The following ZNRF1 variants were observed in gnomAD, a reference collection of about 807,000 sequenced individuals.
ZNRF1 encodes the protein E3 ubiquitin-protein ligase ZNRF1.
Under a neutral mutation model 18.4 loss-of-function variants are expected in ZNRF1, and 3 were observed. The ratio of observed to expected loss-of-function variants is 0.16; its 90% CI spans 0.07 to 0.42. The LOEUF is 0.42. ZNRF1 is among the 10% of genes least tolerant of loss of function. ZNRF1 has a pLI of 0.99. For missense variants in ZNRF1, 310 were observed against 329.8 expected (o/e 0.94, Z 0.47); for synonymous variants, 157 against 144.2 (o/e 1.09, Z -0.64).
chr16:75,090,649 C>G (rs1301850605), intron 1 of ZNRF1, among the ~76,000 whole-genome samples: 1 of 152,144 alleles, frequency 6.6e-6, no homozygotes, highest in African/African-American at 2.4e-5. Flanking sequence ...TGCTCAGATG[C>G]TAAGAATCTC....
intron 3 of ZNRF1, chr16:75,105,296 T>C: frequency 5.3e-6 from 1 of 188,118 alleles, no homozygotes. Flanking sequence ...AGGCGGAGGG[T>C]GTACCCACTG....
intron 1 of ZNRF1, among the ~76,000 whole-genome samples, chr16:75,013,937 C>G (rs930427878): frequency 6.6e-6 from 1 of 151,860 alleles, no homozygotes. Context: ...TCAAGTAATT[C>G]TCCTGCCTCA....
intron 1 of ZNRF1, among the ~76,000 whole-genome samples, chr16:75,006,662 C>T (rs2034921791): frequency 6.6e-6 from 1 of 152,196 alleles, no homozygotes; most frequent in South Asian, 2.1e-4. Flanking sequence ...TCTCGAACTC[C>T]TGACCTCGGG....
chr16:75,036,091 C>T (rs1313238828), intron 1 of ZNRF1, among the ~76,000 whole-genome samples: 1 of 152,032 alleles, frequency 6.6e-6, no homozygotes, highest in Non-Finnish European at 1.5e-5. Context: ...TGTGAGGGGA[C>T]CTCTCCTCCT....
rs146062825 is a variant in ZNRF1, at chr16:75,075,957, C to T, written c.425-17615C>T. Among the ~76,000 whole-genome samples the T allele has an allele frequency of 8.5e-5, 13 of 152,178 alleles. No homozygotes were observed. In the East Asian group the frequency reaches 9.7e-4, roughly 11 times the overall value. The stretch of plus-strand genomic sequence containing the variant: ...GCAGGTGTAGGTGGGATTGAGAGAG[C>T]GTTGTGTGAGGTAGAGAATAGCTTA... On this transcript the variant is annotated intron_variant, in intron 1 of 4. Transcript: ENST00000335325.
chr16:75,101,988 C>T (rs1222961346), intron 2 of ZNRF1, among the ~76,000 whole-genome samples: 1 of 152,310 alleles, frequency 6.6e-6, no homozygotes, highest in African/African-American at 2.4e-5. Context: ...GGTGGGTCCT[C>T]GGGCTAGCCA....
At chr16:75,056,381 AGTTCTAGTG>A (rs1176835583) in intron 1 of ZNRF1, among the ~76,000 whole-genome samples, 1 of 152,220 alleles carries the variant, frequency 6.6e-6, no homozygotes, top group African/African-American at 2.4e-5. Context: ...ACTGCTCATA[AGTTCTAGTG>A]GTTCTGAAAA....
chr16:75,058,039 C>A (rs2145383077), intron 1 of ZNRF1, among the ~76,000 whole-genome samples: 1 of 152,204 alleles, frequency 6.6e-6, no homozygotes, highest in Admixed American at 6.5e-5. Flanking sequence ...TGAGAGAGAA[C>A]CGCATTCCAT....
chr16:75,047,680 A>G (rs1001414259), intron 1 of ZNRF1, among the ~76,000 whole-genome samples: 1 of 152,094 alleles, frequency 6.6e-6, no homozygotes, highest in African/African-American at 2.4e-5. Context: ...TGCCTTTCCT[A>G]ATATAGATAA....
rs1451907997 is a variant in ZNRF1 at position 75,110,443 on chromosome 16, C to T, written c.*2743C>T. On this transcript the variant is annotated 3_prime_UTR_variant, in exon 5 of 5. Transcript: ENST00000335325. ...ACGTGAGACCCTCACAAAGACCAACCATTCCTCTAATAGCCATTTAACGGT... is the reference window on the plus strand; with the variant it reads ...ACGTGAGACCCTCACAAAGACCAACTATTCCTCTAATAGCCATTTAACGGT... The T allele has an allele frequency of 6.6e-6, 1 of 152,244 alleles. No individual in the cohort carries two copies. Among genetic ancestry groups the T allele is most frequent in the Non-Finnish European group, 1.5e-5 (1 of 68,060 alleles). The allele number at this position is 152,244 out of a possible 1,614,324, so 9.4% of individuals were successfully genotyped here. A position where few individuals can be genotyped will look rare whatever the true frequency, so the allele number is the denominator to read the frequency against.
intron 1 of ZNRF1, among the ~76,000 whole-genome samples, chr16:75,017,618 T>C (rs2035089398): frequency 6.6e-6 from 1 of 152,210 alleles, no homozygotes; most frequent in African/African-American, 2.4e-5. Flanking sequence ...ATCTTAAAAG[T>C]GACATGGTGT....
At chr16:75,050,902 A>AAC (rs1567478934) in intron 1 of ZNRF1, among the ~76,000 whole-genome samples, 1 of 135,514 alleles carries the variant, frequency 7.4e-6, no homozygotes, top group East Asian at 2.1e-4. Flanking sequence ...AAAAAAACAA[A>AAC]AAACTTGTAG....
At chr16:75,022,332 G>T (rs1426946247) in intron 1 of ZNRF1, among the ~76,000 whole-genome samples, 2 of 151,920 alleles carry the variant, frequency 1.3e-5, no homozygotes, top group Non-Finnish European at 2.9e-5. Context: ...GGGAGGCTGT[G>T]GCGGGTGGAT....
At chr16:75,031,712 G>A (rs555379844) in intron 1 of ZNRF1, among the ~76,000 whole-genome samples, 1 of 152,128 alleles carries the variant, frequency 6.6e-6, no homozygotes, top group East Asian at 1.9e-4. Flanking sequence ...ATGTTGCCCA[G>A]GCTGTTCTCG....
chr16:75,065,554 T>G (rs993800014), intron 1 of ZNRF1, among the ~76,000 whole-genome samples: 1 of 152,208 alleles, frequency 6.6e-6, no homozygotes, highest in Admixed American at 6.5e-5. Flanking sequence ...CATCACAAAA[T>G]GAAACAATAT....
intron 1 of ZNRF1, among the ~76,000 whole-genome samples, chr16:75,076,371 G>C (rs1198351725): frequency 1.3e-5 from 2 of 152,070 alleles, no homozygotes; most frequent in African/African-American, 2.4e-5. Flanking sequence ...TTCAGGTCAA[G>C]AGCCTGTGTG....
rs554810398 is a variant in ZNRF1 at position 75,110,231 on chromosome 16, G to A, written c.*2531G>A. 2 of 152,570 alleles carry A rather than the reference G, an allele frequency of 1.3e-5. No homozygotes were observed. Among genetic ancestry groups the A allele is most frequent in the East Asian group, 3.9e-4 (2 of 5,192 alleles). The allele number at this position is 152,570 out of a possible 1,614,324, so 9.5% of individuals were successfully genotyped here. On this transcript the variant is annotated 3_prime_UTR_variant, in exon 5 of 5. Transcript: ENST00000335325. ...CCAGGTTGCCTGCTCTTGTTGTGGG[G>A]GTGGGATTGGGGCTGTCTGTGTTTC...
intron 1 of ZNRF1, among the ~76,000 whole-genome samples, chr16:75,077,285 C>A (rs1462439905): frequency 6.6e-6 from 1 of 152,230 alleles, no homozygotes; most frequent in Non-Finnish European, 1.5e-5. Flanking sequence ...GTAATCCCAT[C>A]ACTTTGGGAG....
rs565585459 is a variant in ZNRF1, at chr16:75,045,702, ATCT to A, written c.424+45616_424+45618del. On this transcript the variant is annotated intron_variant, in intron 1 of 4. Transcript: ENST00000335325. The stretch of plus-strand genomic sequence containing the variant: ...CAGTAAACCTAACTTGCTCAGCTGA[ATCT>A]TCTTCTTCGTCTTTTTTTTTTTTTT... 4.0e-4 allele frequency among the ~76,000 whole-genome samples: 59 copies of A among 148,914 alleles called. 1 individual carries two copies. The East Asian group carries it at 8.5e-3, about 21-fold the overall frequency.
Sources: gnomAD v4.1 joint callset for allele counts (sites outside exome capture counted in the v4.1 genomes callset) on GRCh38, gnomAD v4.1.1 for gene constraint, MANE v1.5 for transcripts, NCBI Gene and HGNC (gene_info 2026-07-23, HGNC 2026-07-21) for gene names.